Variants in AUTS2 observed in about 807,000 individuals in gnomAD.
The protein encoded by AUTS2 is autism susceptibility gene 2 protein.
AUTS2 carries 17 observed loss-of-function variants against 112.4 expected under a neutral mutation model. That is an observed-to-expected ratio of 0.15 (90% confidence interval 0.10 to 0.23). The LOEUF is 0.23. Ranked by LOEUF, AUTS2 falls within the 10% of genes least tolerant of loss-of-function variation. The pLI, the probability that AUTS2 is intolerant of heterozygous loss-of-function variation, is 1.00. For synonymous variants in AUTS2, 751 were observed against 702.7 expected (o/e 1.07, Z -1.09); for missense variants, 1,510 against 1,701.6 (o/e 0.89, Z 1.98).
intron 1 of AUTS2, among the ~76,000 whole-genome samples, chr7:69,740,455 G>T (rs1053582914): frequency 1.3e-5 from 2 of 152,108 alleles, no homozygotes; most frequent in African/African-American, 4.8e-5. Flanking sequence ...GCAAGTGAAA[G>T]AAAGGAAGAC....
chr7:69,742,039 G>A (rs1356563440), intron 1 of AUTS2, among the ~76,000 whole-genome samples: 1 of 150,780 alleles, frequency 6.6e-6, no homozygotes, highest in Admixed American at 6.6e-5. Flanking sequence ...GGGCTAAAGT[G>A]ATCCTTTCCA....
chr7:70,262,618 A>G (rs1473442165), intron 4 of AUTS2, among the ~76,000 whole-genome samples: 4 of 152,238 alleles, frequency 2.6e-5, no homozygotes, highest in Non-Finnish European at 5.9e-5. Flanking sequence ...TTTAAGCTGC[A>G]TATGTTTTAT....
chr7:70,480,684 T>C (rs1336063276), intron 5 of AUTS2, among the ~76,000 whole-genome samples: 1 of 152,192 alleles, frequency 6.6e-6, no homozygotes, highest in Non-Finnish European at 1.5e-5. Context: ...CCTTTGTACC[T>C]GTGTGGCAGG....
chr7:69,676,713 C>T (rs879644355), intron 1 of AUTS2, among the ~76,000 whole-genome samples: 1 of 152,102 alleles, frequency 6.6e-6, no homozygotes, highest in Non-Finnish European at 1.5e-5. Flanking sequence ...TTTCAGTATT[C>T]TGTGGAAATC....
chr7:70,103,366 G>T (rs559260159), intron 2 of AUTS2, among the ~76,000 whole-genome samples: 2 of 152,148 alleles, frequency 1.3e-5, no homozygotes, highest in South Asian at 4.2e-4. Flanking sequence ...TGCCTCACAG[G>T]TTCTGAGAGG....
intron 4 of AUTS2, among the ~76,000 whole-genome samples, chr7:70,226,763 A>T (rs1811787101): frequency 6.6e-6 from 1 of 152,090 alleles, no homozygotes; most frequent in Non-Finnish European, 1.5e-5. Flanking sequence ...TAATTTTTGC[A>T]ACTATATTGT....
chr7:70,598,844 G>T (rs1441443825), intron 5 of AUTS2, among the ~76,000 whole-genome samples: 1 of 152,152 alleles, frequency 6.6e-6, no homozygotes, highest in East Asian at 1.9e-4. Context: ...AGCCTGAACA[G>T]ATAGAAAAAC....
intron 4 of AUTS2, among the ~76,000 whole-genome samples, chr7:70,430,749 G>T (rs913763658): frequency 6.7e-6 from 1 of 150,366 alleles, no homozygotes; most frequent in African/African-American, 2.4e-5. Flanking sequence ...ATGTGCAATT[G>T]AAACAATCTA....
At chr7:69,709,334 T>TG (rs1216658789) in intron 1 of AUTS2, among the ~76,000 whole-genome samples, 4 of 152,198 alleles carry the variant, frequency 2.6e-5, no homozygotes, top group Non-Finnish European at 4.4e-5. Flanking sequence ...GTGGGTGCTG[T>TG]GTGTTCATTG....
intron 2 of AUTS2, among the ~76,000 whole-genome samples, chr7:69,935,284 G>C (rs955357814): frequency 5.9e-5 from 9 of 151,436 alleles, no homozygotes; most frequent in Admixed American, 5.3e-4. Context: ...GTGTTGCCAG[G>C]GTCCAAGGTG....
intron 2 of AUTS2, among the ~76,000 whole-genome samples, chr7:70,111,301 C>T (rs1805076994): frequency 6.6e-6 from 1 of 152,160 alleles, no homozygotes. Flanking sequence ...AAAGGAAGTT[C>T]TTCTGTAAGC....
At chr7:69,677,185 A>T (rs953296775) in intron 1 of AUTS2, among the ~76,000 whole-genome samples, 3 of 152,206 alleles carry the variant, frequency 2.0e-5, no homozygotes, top group Admixed American at 2.0e-4. Flanking sequence ...GACAGCCAAA[A>T]GCCCAGAGAA....
rs558070805 is a variant in AUTS2 at position 70,704,411 on chromosome 7, A to G, written c.742+5791A>G. ...CATTCTTTTAGTCAGATGTTCAAAC[A>G]TCACTCTGGTTACTTTTGAGCTCAG... On this transcript the variant is annotated intron_variant, in intron 6 of 18. Coordinates refer to ENST00000342771, the MANE Select transcript of AUTS2 (RefSeq NM_015570.4). Among the ~76,000 whole-genome samples, 75 of 152,328 alleles carry G rather than the reference A, an allele frequency of 4.9e-4. 3 individuals are homozygous for G. In the South Asian group the frequency reaches 0.015, roughly 31 times the overall value.
chr7:70,573,241 AT>A (rs1433818145), intron 5 of AUTS2, among the ~76,000 whole-genome samples: 4 of 152,324 alleles, frequency 2.6e-5, no homozygotes, highest in Admixed American at 2.0e-4. Flanking sequence ...TCATTACAGA[AT>A]GCTTCACTGG....
intron 4 of AUTS2, among the ~76,000 whole-genome samples, chr7:70,419,846 T>G (rs567154073): frequency 6.6e-5 from 10 of 152,368 alleles, no homozygotes; most frequent in African/African-American, 2.4e-4. Flanking sequence ...TAATCTGCAT[T>G]TCTTTGATTA....
intron 6 of AUTS2, among the ~76,000 whole-genome samples, chr7:70,721,296 G>GTGTGTA (rs1443540573): frequency 6.6e-6 from 1 of 151,336 alleles, no homozygotes; most frequent in Non-Finnish European, 1.5e-5. Context: ...GTGTGTGTGT[G>GTGTGTA]TGTGTGTGTG....
At chr7:70,009,591 C>T (rs531166838) in intron 2 of AUTS2, among the ~76,000 whole-genome samples, 1 of 152,246 alleles carries the variant, frequency 6.6e-6, no homozygotes, top group South Asian at 2.1e-4. Flanking sequence ...GTTTTATGCA[C>T]CTACTAAGTG....
intron 2 of AUTS2, among the ~76,000 whole-genome samples, chr7:70,063,957 A>T (rs1260582051): frequency 6.6e-6 from 1 of 152,104 alleles, no homozygotes; most frequent in African/African-American, 2.4e-5. Flanking sequence ...TATGCCTTTT[A>T]GTTACTGAGT....
intron 4 of AUTS2, among the ~76,000 whole-genome samples, chr7:70,306,557 G>T (rs1789503677): frequency 6.6e-6 from 1 of 152,056 alleles, no homozygotes; most frequent in East Asian, 1.9e-4. Flanking sequence ...CTATTGAAGT[G>T]AAACATTAAA....
Sources: allele counts gnomAD v4.1 joint callset (sites outside exome capture counted in the v4.1 genomes callset), GRCh38; gene constraint gnomAD v4.1.1; transcripts MANE v1.5; gene names NCBI Gene and HGNC (gene_info 2026-07-23, HGNC 2026-07-21).